SCAF4: variants seen among roughly 807,000 people sequenced by gnomAD.
SCAF4 encodes the protein SR-related and CTD-associated factor 4.
In SCAF4, 25 loss-of-function variants were observed where a neutral mutation model predicts 129.8. The observed-to-expected ratio is 0.19, with a 90% CI of 0.14 to 0.27. The LOEUF (loss-of-function observed/expected upper bound fraction) is 0.27, where lower values mean the gene tolerates loss of function less well. Among genes scored for constraint, SCAF4 ranks in the 10% least tolerant of loss-of-function variants. The pLI is 1.00. For missense variants in SCAF4, 1,246 were observed against 1,457.1 expected (o/e 0.86, Z 2.36); for synonymous variants, 551 against 497.7 (o/e 1.11, Z -1.43).
At chr21:31,682,664 A>G (rs1256663498) in intron 19 of SCAF4, among the ~76,000 whole-genome samples, 3 of 152,208 alleles carry the variant, frequency 2.0e-5, no homozygotes, top group African/African-American at 7.2e-5. Context: ...ACTGAAGTTT[A>G]GCATCAACTT....
intron 1 of SCAF4, among the ~76,000 whole-genome samples, chr21:31,730,654 C>T (rs2051327163): frequency 6.6e-6 from 1 of 152,192 alleles, no homozygotes; most frequent in Admixed American, 6.5e-5. Flanking sequence ...GACAATACAA[C>T]TCAACCCATG....
chr21:31,727,335 C>A (rs944525191), intron 1 of SCAF4, among the ~76,000 whole-genome samples: 6 of 152,050 alleles, frequency 3.9e-5, no homozygotes, highest in African/African-American at 1.4e-4. Flanking sequence ...GCCTTGGGCT[C>A]CCAAAGTACT....
chr21:31,700,630 G>T, intron 7 of SCAF4: 2 of 276,840 alleles, frequency 7.2e-6, no homozygotes, highest in Non-Finnish European at 1.4e-5. Flanking sequence ...AGAAAAGCAT[G>T]TATCTGTAGG....
chr21:31,705,453 T>C lies in SCAF4; in HGVS notation c.129A>G (p.Val43=). 1 of 1,305,160 alleles carries C rather than the reference T, an allele frequency of 7.7e-7. No individual in the cohort carries two copies. Among genetic ancestry groups the C allele is most frequent in the Non-Finnish European group, 1.1e-6 (1 of 934,858 alleles). 80.8% of individuals were successfully genotyped at this position (1,305,160 alleles called of 1,614,324 possible). A position where few individuals can be genotyped will look rare whatever the true frequency, so the allele number is the denominator to read the frequency against. Residue 43 remains valine (V), a synonymous_variant, in exon 3 of 20, where the codon GTA becomes GTG. Transcript: ENST00000286835. ...TGATGAACTTTTCTACTATTTGAACTACATGCTTATAAAGCTGAAAAGAAT... is the reference window on the plus strand; with the variant it reads ...TGATGAACTTTTCTACTATTTGAACCACATGCTTATAAAGCTGAAAAGAAT... The part of the protein sequence containing the change: ...AIKAIKLYKH[V]VQIVEKFIKK...
chr21:31,706,257 CTTTAT>C lies in SCAF4; in HGVS notation c.114+12_114+16del, dbSNP rs750977630. ...AATTTCAAAAAGATTTCTCAAATTG[CTTTAT>C]TTTATCATTACCTTAATAGCTTTAA... On this transcript the variant is annotated intron_variant, in intron 2 of 19. Coordinates refer to ENST00000286835, the MANE Select transcript of SCAF4 (RefSeq NM_020706.2). The C allele has an allele frequency of 4.2e-4, 624 of 1,479,412 alleles. No individual in the cohort carries two copies. The highest frequency in any genetic ancestry group is 5.4e-4 in the Non-Finnish European group (582 of 1,078,046). The allele number at this position is 1,479,412 out of a possible 1,614,324, so 91.6% of individuals were successfully genotyped here. A position where few individuals can be genotyped will look rare whatever the true frequency, so the allele number is the denominator to read the frequency against.
At chr21:31,674,355 T>C (rs532491246) in intron 19 of SCAF4, among the ~76,000 whole-genome samples, 57 of 152,328 alleles carry the variant, frequency 3.7e-4, no homozygotes, top group Middle Eastern at 6.8e-3. Flanking sequence ...ATGTGGATAT[T>C]TGTGTGTGGG....
At chr21:31,696,868 CTTAT>C in intron 7 of SCAF4, 118 bp from the exon 8 acceptor site, 1 of 796,454 alleles carries the variant, frequency 1.3e-6, no homozygotes, top group Non-Finnish European at 2.0e-6. Flanking sequence ...CAAGCACAAT[CTTAT>C]TTTCCCTTAT....
chr21:31,727,809 T>C (rs980022951), intron 1 of SCAF4, among the ~76,000 whole-genome samples: 1 of 151,864 alleles, frequency 6.6e-6, no homozygotes, highest in Non-Finnish European at 1.5e-5. Context: ...AAAAATTCCA[T>C]ACTCTTTATT....
intron 1 of SCAF4, among the ~76,000 whole-genome samples, chr21:31,707,609 A>G: frequency 6.6e-6 from 1 of 152,384 alleles, no homozygotes; most frequent in South Asian, 2.1e-4. Flanking sequence ...GATATTGTGA[A>G]GTAAGTTTCA....
At chr21:31,684,987 TGGGTGGGG>T (rs1389151997) in intron 19 of SCAF4, 54 bp downstream of exon 19, 1 of 442,172 alleles carries the variant, frequency 2.3e-6, no homozygotes, top group Non-Finnish European at 3.8e-6. Context: ...AACTTGGGGA[TGGGTGGGG>T]GGGTGGGGGG....
intron 19 of SCAF4, among the ~76,000 whole-genome samples, chr21:31,677,082 T>C (rs568754231): frequency 2.6e-5 from 4 of 152,324 alleles, no homozygotes; most frequent in South Asian, 4.1e-4. Flanking sequence ...GTTACCCTAG[T>C]TGGCTTATCA....
At chr21:31,706,948 A>C in intron 1 of SCAF4, 2 of 309,030 alleles carry the variant, frequency 6.5e-6, no homozygotes, top group South Asian at 5.7e-5. Context: ...CTATTTTGTA[A>C]ATGCAAGATT....
At chr21:31,673,154 T>C (rs1235934376) in intron 19 of SCAF4, among the ~76,000 whole-genome samples, 1 of 152,174 alleles carries the variant, frequency 6.6e-6, no homozygotes, top group South Asian at 2.1e-4. Context: ...TATTTTCCTA[T>C]CTACATGAGG....
intron 6 of SCAF4, 122 bp from the exon 7 acceptor site, chr21:31,701,293 G>GA (rs756454762): frequency 5.3e-6 from 4 of 752,274 alleles, no homozygotes; most frequent in Non-Finnish European, 5.9e-6. Flanking sequence ...ACAAATTGGG[G>GA]AAAAAATCCT....
chr21:31,726,236 G>A (rs112449941), intron 1 of SCAF4, among the ~76,000 whole-genome samples: 6 of 152,080 alleles, frequency 3.9e-5, no homozygotes, highest in East Asian at 1.9e-4. Flanking sequence ...TAGTAGAGAC[G>A]GGGTTTCACC....
intron 1 of SCAF4, among the ~76,000 whole-genome samples, chr21:31,710,996 A>C (rs573203318): frequency 6.6e-6 from 1 of 152,188 alleles, no homozygotes; most frequent in African/African-American, 2.4e-5. Context: ...TTAGCATTAT[A>C]AAGTTTCCAT....
chr21:31,696,813 T>C (rs11701923), intron 7 of SCAF4, 63 bp from the exon 8 acceptor site: 235,226 of 1,390,570 alleles, frequency 0.17, 21,771 homozygotes, highest in Non-Finnish European at 0.19. Context: ...CAAAAAACTT[T>C]ATGAAAACAA....
intron 11 of SCAF4, 84 bp downstream of exon 11, chr21:31,694,120 A>G (rs1323575869): frequency 6.9e-6 from 5 of 725,932 alleles, no homozygotes; most frequent in Non-Finnish European, 1.2e-5. Flanking sequence ...AACATTCTGA[A>G]TATCTGAAAA....
chr21:31,671,783 A>C lies in SCAF4; in HGVS notation c.3060T>G (p.Asn1020Lys). 1 of 1,614,016 alleles carries C rather than the reference A, an allele frequency of 6.2e-7. No individual in the cohort carries two copies. The highest frequency in any genetic ancestry group is 8.5e-7 in the Non-Finnish European group (1 of 1,179,936). ...CACGGTTACTATTATCTCTATCATC[A>C]TTACGGTTCCCATACCGTTCCCGGT... is the stretch of plus-strand genomic sequence containing the variant. ...ENDRERYGNR[N>K]DDRDNSNRDR... is the part of the protein sequence containing the mutation. Residue 1020 changes from asparagine to lysine, a missense_variant, in exon 20 of 20, where the codon AAT (asparagine) becomes AAG (lysine). Physicochemically the swap from Asn to Lys is moderately conservative, Grantham distance 94 (BLOSUM62 0). Coordinates refer to ENST00000286835, the MANE Select transcript of SCAF4 (RefSeq NM_020706.2).
Sources: gnomAD v4.1 joint callset for allele counts (sites outside exome capture counted in the v4.1 genomes callset) on GRCh38, gnomAD v4.1.1 for gene constraint, MANE v1.5 for transcripts, NCBI Gene and HGNC (gene_info 2026-07-23, HGNC 2026-07-21) for gene names.